MYO16: variants seen among roughly 807,000 people sequenced by gnomAD.
MYO16 encodes the protein unconventional myosin-XVI.
In MYO16, 94 loss-of-function variants were observed where a neutral mutation model predicts 205.3. That is an observed-to-expected ratio of 0.46 (90% CI 0.39 to 0.54). MYO16 has a LOEUF of 0.54. Ranked by LOEUF, MYO16 falls within the 20% of genes least tolerant of loss-of-function variation. The probability of loss-of-function intolerance (pLI) is 0.00; values close to 1 mark genes in which losing one functional copy is unlikely to be tolerated. For synonymous variants in MYO16, 988 were observed against 954.0 expected, an observed-to-expected ratio of 1.04 and a Z score of -0.66; for missense variants, 2,315 against 2,387.5, an observed-to-expected ratio of 0.97 and a Z score of 0.63.
intron 31 of MYO16, among the ~76,000 whole-genome samples, chr13:109,131,266 T>G (rs1291071787): frequency 6.6e-6 from 1 of 152,226 alleles, no homozygotes; most frequent in Admixed American, 6.5e-5. Flanking sequence ...TGAAAGGAGA[T>G]CTGATCGGAG....
chr13:108,946,334 T>C (rs1400316170), intron 16 of MYO16, among the ~76,000 whole-genome samples: 6 of 152,210 alleles, frequency 3.9e-5, no homozygotes, highest in Non-Finnish European at 7.3e-5. Context: ...TTTTCACTTA[T>C]TTTGACAACC....
the MYO16 span, among the ~76,000 whole-genome samples, chr13:108,573,638 G>A: frequency 3.9e-5 from 6 of 152,190 alleles, no homozygotes; most frequent in African/African-American, 9.6e-5. Flanking sequence ...TCTGGGAGTA[G>A]AAGCAGGTCA....
At chr13:108,722,043 C>G (rs577152443) in intron 3 of MYO16, among the ~76,000 whole-genome samples, 1 of 152,226 alleles carries the variant, frequency 6.6e-6, no homozygotes, top group Admixed American at 6.5e-5. Flanking sequence ...ATCTTGAAAT[C>G]GTCAATAATT....
intron 23 of MYO16, among the ~76,000 whole-genome samples, chr13:109,026,499 G>T (rs1431764985): frequency 1.3e-5 from 2 of 152,008 alleles, no homozygotes; most frequent in Non-Finnish European, 2.9e-5. Flanking sequence ...GGCCTCCAGT[G>T]GTGAGAGGGA....
intron 29 of MYO16, among the ~76,000 whole-genome samples, 197 bp from the exon 30 acceptor site, chr13:109,124,915 T>G (rs956609119): frequency 1.3e-5 from 2 of 152,244 alleles, no homozygotes; most frequent in Admixed American, 6.5e-5. Flanking sequence ...CATCAATATA[T>G]TGCCTGCAAG....
chr13:108,965,341 T>TA (rs1883753914), intron 20 of MYO16, among the ~76,000 whole-genome samples: 1 of 152,194 alleles, frequency 6.6e-6, no homozygotes, highest in African/African-American at 2.4e-5. Context: ...TTTCTTCACT[T>TA]ATTTCGTGGA....
chr13:108,546,844 A>G, the MYO16 span, among the ~76,000 whole-genome samples: 1 of 152,196 alleles, frequency 6.6e-6, no homozygotes, highest in Non-Finnish European at 1.5e-5. Flanking sequence ...ATATTTCAGA[A>G]CAGATCTTCA....
At chr13:108,535,165 A>C in the MYO16 span, among the ~76,000 whole-genome samples, 1 of 150,870 alleles carries the variant, frequency 6.6e-6, no homozygotes, top group Admixed American at 6.6e-5. Context: ...TCTTTTTAAA[A>C]ATTTTTTTAG....
intron 27 of MYO16, among the ~76,000 whole-genome samples, chr13:109,070,745 G>A (rs981884608): frequency 2.6e-5 from 4 of 152,092 alleles, no homozygotes; most frequent in Non-Finnish European, 1.5e-5. Context: ...ACCTTTCATT[G>A]TTCTTTCTTA....
chr13:109,040,385 C>CAGAGAGAGAGAG lies in MYO16; in HGVS notation c.2797-6511_2797-6500dup, dbSNP rs146955371. Among the ~76,000 whole-genome samples the CAGAGAGAGAGAG allele has an allele frequency of 1.9e-3, 211 of 113,264 alleles. 1 individual carries two copies. Among genetic ancestry groups the CAGAGAGAGAGAG allele is most frequent in the African/African-American group, 4.3e-3 (136 of 31,272 alleles). 74.3% of individuals were successfully genotyped at this position (113,264 alleles called of 152,430 possible). A position where few individuals can be genotyped will look rare whatever the true frequency, so the allele number is the denominator to read the frequency against. On this transcript the variant is annotated intron_variant, in intron 23 of 34. Transcript: ENST00000457511. ...ATACACACACACACACACACACACA[C>CAGAGAGAGAGAG]AGAGAGAGAGAGAGAGAGAGAGAGA...
chr13:109,077,676 C>T (rs1418363963), intron 27 of MYO16, among the ~76,000 whole-genome samples: 5 of 152,200 alleles, frequency 3.3e-5, no homozygotes, highest in African/African-American at 1.2e-4. Context: ...TCCATCTTAA[C>T]TTTGTTCTTC....
chr13:109,041,105 A>G (rs1886871180), intron 23 of MYO16, among the ~76,000 whole-genome samples: 1 of 152,246 alleles, frequency 6.6e-6, no homozygotes, highest in Non-Finnish European at 1.5e-5. Flanking sequence ...AATTACATTT[A>G]CAATTGCTCA....
the MYO16 span, among the ~76,000 whole-genome samples, chr13:108,532,231 A>G: frequency 6.6e-6 from 1 of 152,026 alleles, no homozygotes; most frequent in Admixed American, 6.5e-5. Context: ...AATAAAATAA[A>G]AATAAATAAA....
upstream of MYO16, among the ~76,000 whole-genome samples, chr13:108,592,756 G>A (rs1031494488): frequency 6.7e-6 from 1 of 148,962 alleles, no homozygotes; most frequent in Non-Finnish European, 1.5e-5. Flanking sequence ...GTGTGTATGT[G>A]TATGGTTAGG....
intron 32 of MYO16, among the ~76,000 whole-genome samples, chr13:109,152,916 G>T (rs1338289803): frequency 1.3e-5 from 2 of 152,078 alleles, no homozygotes; most frequent in African/African-American, 4.8e-5. Flanking sequence ...TTATTCCAAG[G>T]AATCTATTTG....
At chr13:108,871,322 T>TTGTGTGTGTGTG (rs58117690) in intron 12 of MYO16, among the ~76,000 whole-genome samples, 426 of 131,562 alleles carry the variant, frequency 3.2e-3, no homozygotes, top group East Asian at 0.014. Context: ...CTATGTGACT[T>TTGTGTGTGTGTG]TGTGTGTGTG....
intron 23 of MYO16, among the ~76,000 whole-genome samples, chr13:109,045,143 G>C (rs1887000229): frequency 6.6e-6 from 1 of 152,198 alleles, no homozygotes; most frequent in Middle Eastern, 3.4e-3. Flanking sequence ...CCATGGTTTT[G>C]CTGGGCACTG....
At position 108,606,584 on chromosome 13, in the gene MYO16, A is replaced by T. The variant is rs186314732; in HGVS notation, c.-39+10345A>T. Among the ~76,000 whole-genome samples, 343 of 152,288 alleles carry T rather than the reference A, an allele frequency of 2.3e-3. 3 individuals are homozygous for T. The highest frequency in any genetic ancestry group is 3.5e-3 in the Non-Finnish European group (239 of 68,016). On this transcript the variant is annotated intron_variant, in intron 1 of 24. Transcript: ENST00000251041. ...GGAACCTCCACCTTGCTTTCAGAGG[A>T]TGTATGGAAATGCCTGGATATCCAG...
intron 6 of MYO16, among the ~76,000 whole-genome samples, chr13:108,794,875 A>C (rs991113330): frequency 3.3e-5 from 5 of 152,216 alleles, no homozygotes; most frequent in African/African-American, 1.2e-4. Flanking sequence ...CATGAAAAAA[A>C]CATGGTGTGA....
Sources: gnomAD v4.1 joint callset for allele counts (sites outside exome capture counted in the v4.1 genomes callset) on GRCh38, gnomAD v4.1.1 for gene constraint, MANE v1.5 for transcripts, NCBI Gene and HGNC (gene_info 2026-07-23, HGNC 2026-07-21) for gene names.